The following ARFIP1 variants were observed in gnomAD, a reference collection of about 807,000 sequenced individuals.
ARFIP1 encodes ARF interacting protein 1.
A neutral mutation model predicts 42.5 loss-of-function variants in ARFIP1; 24 were observed. The observed-to-expected ratio is 0.57, with a 90% CI of 0.41 to 0.80. ARFIP1 has a LOEUF of 0.80. Among genes scored for constraint, ARFIP1 ranks in the 30% least tolerant of loss-of-function variants. The pLI is 0.00. For synonymous variants in ARFIP1, 141 were observed against 153.7 expected (o/e 0.92, Z 0.61); for missense variants, 354 against 434.0 (o/e 0.82, Z 1.64).
intron 1 of ARFIP1, among the ~76,000 whole-genome samples, chr4:152,785,917 A>C (rs949655651): frequency 2.0e-5 from 3 of 152,204 alleles, no homozygotes; most frequent in African/African-American, 7.2e-5. Context: ...GGACAGTGCA[A>C]ATTTAGAACA....
At chr4:152,839,223 G>T (rs1171620266) in intron 2 of ARFIP1, among the ~76,000 whole-genome samples, 1 of 152,056 alleles carries the variant, frequency 6.6e-6, no homozygotes, top group East Asian at 1.9e-4. Context: ...GTTCATCAAG[G>T]TATCAGTCTG....
At chr4:152,862,254 C>T (rs185191159) in intron 2 of ARFIP1, among the ~76,000 whole-genome samples, 43 of 152,210 alleles carry the variant, frequency 2.8e-4, no homozygotes, top group Admixed American at 2.4e-3. Context: ...ATCCCTCCAG[C>T]GTTCCATATC....
intron 7 of ARFIP1, among the ~76,000 whole-genome samples, chr4:152,884,284 G>C (rs1363996695): frequency 6.6e-6 from 1 of 151,888 alleles, no homozygotes; most frequent in African/African-American, 2.4e-5. Context: ...TCAGTAATTG[G>C]TGTTTCAGTC....
intron 1 of ARFIP1, among the ~76,000 whole-genome samples, chr4:152,788,830 G>A (rs1446771528): frequency 3.6e-5 from 5 of 140,268 alleles, no homozygotes; most frequent in Non-Finnish European, 4.6e-5. Flanking sequence ...TTCTGTTCAA[G>A]GATCCCATCT....
intron 2 of ARFIP1, among the ~76,000 whole-genome samples, chr4:152,863,116 T>G (rs6822347): frequency 0.65 from 99,020 of 151,924 alleles, 32,438 homozygotes; most frequent in Admixed American, 0.72. Flanking sequence ...ATCTAAGTAA[T>G]TTTTGCTTAC....
intron 1 of ARFIP1, among the ~76,000 whole-genome samples, chr4:152,806,568 G>A (rs750302093): frequency 5.3e-5 from 8 of 152,070 alleles, no homozygotes; most frequent in Non-Finnish European, 1.2e-4. Flanking sequence ...TTTAAAATGT[G>A]CAGTCTAATG....
chr4:152,904,486 GGC>G (rs1738137095), intron 8 of ARFIP1, among the ~76,000 whole-genome samples: 1 of 151,950 alleles, frequency 6.6e-6, no homozygotes, highest in Admixed American at 6.6e-5. Flanking sequence ...CACCGCACCT[GGC>G]CCCATCACCT....
intron 1 of ARFIP1, among the ~76,000 whole-genome samples, chr4:152,805,100 A>G (rs1325402150): frequency 1.3e-5 from 2 of 152,214 alleles, no homozygotes; most frequent in Non-Finnish European, 2.9e-5. Context: ...GTAGGGAACT[A>G]TGAAGGTATC....
intron 8 of ARFIP1, among the ~76,000 whole-genome samples, chr4:152,892,134 T>C (rs1315259258): frequency 2.0e-5 from 3 of 152,174 alleles, no homozygotes; most frequent in Admixed American, 6.6e-5. Context: ...TTTGAACTTC[T>C]GGACTCAAGC....
At chr4:152,822,353 C>T (rs1446053783) in intron 1 of ARFIP1, among the ~76,000 whole-genome samples, 1 of 103,476 alleles carries the variant, frequency 9.7e-6, no homozygotes, top group Non-Finnish European at 2.1e-5. Context: ...AAAAGTTCAA[C>T]AAGAAAATGT....
At chr4:152,834,250 A>G (rs1003884520) in intron 2 of ARFIP1, among the ~76,000 whole-genome samples, 5 of 152,194 alleles carry the variant, frequency 3.3e-5, no homozygotes, top group African/African-American at 4.8e-5. Context: ...TCACATTTCA[A>G]CATGGGATTT....
At chr4:152,847,208 C>T (rs998757426) in intron 2 of ARFIP1, among the ~76,000 whole-genome samples, 1 of 135,750 alleles carries the variant, frequency 7.4e-6, no homozygotes, top group Non-Finnish European at 1.5e-5. Flanking sequence ...TCTCGGCTCA[C>T]TGCAACCTCC....
chr4:152,852,564 C>T (rs184517795), intron 2 of ARFIP1, among the ~76,000 whole-genome samples: 8 of 150,986 alleles, frequency 5.3e-5, no homozygotes, highest in African/African-American at 1.7e-4. Context: ...ACCTGGGAGG[C>T]GGAGGTTGCA....
intron 5 of ARFIP1, among the ~76,000 whole-genome samples, chr4:152,880,599 A>G (rs1735757303): frequency 6.6e-6 from 1 of 152,188 alleles, no homozygotes; most frequent in African/African-American, 2.4e-5. Flanking sequence ...AAGCAGTAGG[A>G]GAGTAGTATT....
At position 152,814,378 on chromosome 4, in the gene ARFIP1, G is replaced by A. The variant is rs141028518; in HGVS notation, c.-9-15247G>A. Among the ~76,000 whole-genome samples the A allele has an allele frequency of 2.0e-3, 309 of 152,182 alleles. 1 individual carries two copies. The East Asian group carries it at 0.028, about 14-fold the overall frequency. On this transcript the variant is annotated intron_variant, in intron 1 of 8. Transcript: ENST00000353617. ...CAAAGTGCTGGGATTATAGATATGA[G>A]CCACCACTCCTAGCCAGTTTCTGTC...
intron 8 of ARFIP1, among the ~76,000 whole-genome samples, chr4:152,900,417 T>C (rs1215291515): frequency 2.0e-5 from 3 of 152,216 alleles, no homozygotes; most frequent in Non-Finnish European, 4.4e-5. Context: ...TTAAGGACTT[T>C]TTTTAACCTT....
chr4:152,807,547 G>T (rs943475180), intron 1 of ARFIP1, among the ~76,000 whole-genome samples: 3 of 151,942 alleles, frequency 2.0e-5, no homozygotes, highest in Non-Finnish European at 4.4e-5. Flanking sequence ...GTACTTACTC[G>T]CCATTCCTGT....
chr4:152,806,943 G>A (rs1729037571), intron 1 of ARFIP1, among the ~76,000 whole-genome samples: 1 of 151,454 alleles, frequency 6.6e-6, no homozygotes, highest in African/African-American at 2.4e-5. Flanking sequence ...GGCTCAAGTA[G>A]TCCTCCCACC....
chr4:152,840,788 G>A (rs928532038), intron 2 of ARFIP1, among the ~76,000 whole-genome samples: 14 of 145,274 alleles, frequency 9.6e-5, no homozygotes, highest in Middle Eastern at 3.8e-3. Flanking sequence ...GCGCAATCTC[G>A]GCTCACTGCA....
Sources: gnomAD v4.1 joint callset for allele counts (sites outside exome capture counted in the v4.1 genomes callset) on GRCh38, gnomAD v4.1.1 for gene constraint, MANE v1.5 for transcripts, NCBI Gene and HGNC (gene_info 2026-07-23, HGNC 2026-07-21) for gene names.